The following SUCLG2 variants were observed in gnomAD, a reference collection of about 807,000 sequenced individuals.
SUCLG2 encodes the protein succinate-CoA ligase GDP-forming subunit beta.
A neutral mutation model predicts 47.9 loss-of-function variants in SUCLG2; 42 were observed. The ratio of observed to expected loss-of-function variants is 0.88; its 90% confidence interval spans 0.69 to 1.14. The LOEUF (loss-of-function observed/expected upper bound fraction) is 1.14. SUCLG2 is among the 50% of genes most tolerant of loss of function. The probability of loss-of-function intolerance (pLI) is 0.00; values close to 1 mark genes in which losing one functional copy is unlikely to be tolerated. For missense variants in SUCLG2, 571 were observed against 525.9 expected, an observed-to-expected ratio of 1.09 and a Z score of -0.84; for synonymous variants, 195 against 197.3, an observed-to-expected ratio of 0.99 and a Z score of 0.10.
At chr3:67,395,086 C>T (rs1702490916) in intron 10 of SUCLG2, among the ~76,000 whole-genome samples, 1 of 151,940 alleles carries the variant, frequency 6.6e-6, no homozygotes, top group African/African-American at 2.4e-5. Flanking sequence ...ATGTAAAGAC[C>T]ATCGAGACTA....
chr3:67,388,023 T>TAGG, intron 10 of SUCLG2, among the ~76,000 whole-genome samples: 1 of 152,012 alleles, frequency 6.6e-6, no homozygotes, highest in African/African-American at 2.4e-5. Flanking sequence ...TAACAAGTGT[T>TAGG]ATCTGCTAAT....
At chr3:67,574,329 C>T (rs575712286) in intron 2 of SUCLG2, among the ~76,000 whole-genome samples, 2 of 152,338 alleles carry the variant, frequency 1.3e-5, no homozygotes, top group East Asian at 1.9e-4. Flanking sequence ...ACGACATGGA[C>T]GTCTTTGGGG....
In SUCLG2 at chr3:67,361,894, C is replaced by T. The variant is rs140420585; in HGVS notation, c.1184-1126G>A. On this transcript the variant is annotated intron_variant, in intron 10 of 10. Transcript: ENST00000493112. ...TGCTCCTCTGGGATGGTGAGGGGAA[C>T]ATGCCCTGGCTAGGCTGCTGAAGGA... 3.2e-4 allele frequency among the ~76,000 whole-genome samples: 49 copies of T among 152,242 alleles called. No homozygotes were observed. In the East Asian group the frequency reaches 9.1e-3, roughly 28 times the overall value.
At chr3:67,392,285 C>A (rs565562018) in intron 10 of SUCLG2, among the ~76,000 whole-genome samples, 1 of 152,202 alleles carries the variant, frequency 6.6e-6, no homozygotes, top group Non-Finnish European at 1.5e-5. Flanking sequence ...AACCCCCTTG[C>A]TCCTTCCTCC....
chr3:67,531,877 T>C (rs1281319039), intron 2 of SUCLG2, among the ~76,000 whole-genome samples: 1 of 152,212 alleles, frequency 6.6e-6, no homozygotes, highest in Admixed American at 6.5e-5. Flanking sequence ...CGTCTCTTCA[T>C]TCAGTATTTA....
At chr3:67,627,232 C>G (rs1314511331) in intron 1 of SUCLG2, among the ~76,000 whole-genome samples, 1 of 152,010 alleles carries the variant, frequency 6.6e-6, no homozygotes, top group East Asian at 1.9e-4. Flanking sequence ...ATTTAGTTAT[C>G]CCCCAACCAA....
At chr3:67,579,848 G>A (rs183490831) in intron 2 of SUCLG2, among the ~76,000 whole-genome samples, 4 of 152,058 alleles carry the variant, frequency 2.6e-5, no homozygotes, top group African/African-American at 9.7e-5. Flanking sequence ...TTGTTTATAG[G>A]AAAACACATG....
chr3:67,511,854 G>GGT (rs1294841399), intron 6 of SUCLG2, among the ~76,000 whole-genome samples: 5 of 146,684 alleles, frequency 3.4e-5, no homozygotes, highest in Admixed American at 1.3e-4. Flanking sequence ...TGTGTGGGGG[G>GGT]GTGTGTGTGT....
Position 67,400,818 on chromosome 3 carries a change from T to C in SUCLG2, c.1096A>G (p.Ile366Val), listed in dbSNP as rs746608461. ...EAILVNIFGGIVNCAIIANGI... is the reference protein window; with the variant it reads ...EAILVNIFGGVVNCAIIANGI... ...TTGGCAATGATGGCACAGTTGACGA[T>C]ACCACCAAATATATTGACAAGGATG... The change falls in exon 10 of 11, where the codon ATC becomes GTC. Residue 366 changes from isoleucine to valine, a missense_variant. Physicochemically the swap from Ile to Val is conservative, Grantham distance 29. Transcript: ENST00000307227. 4.3e-6 allele frequency: 7 copies of C among 1,612,870 alleles called. No individual in the cohort carries two copies. The highest frequency in any genetic ancestry group is 5.1e-6 in the Non-Finnish European group (6 of 1,179,868).
chr3:67,620,584 C>CAAAAAAAAAAAAAAAA (rs71109890), intron 1 of SUCLG2, among the ~76,000 whole-genome samples: 2 of 63,508 alleles, frequency 3.1e-5, no homozygotes, highest in African/African-American at 6.1e-5. Context: ...GACTCCATCT[C>CAAAAAAAAAAAAAAAA]AAAAAAAAAA....
chr3:67,626,024 ATT>A lies in SUCLG2; in HGVS notation c.85-16430_85-16429del, dbSNP rs11329006. Among the ~76,000 whole-genome samples the A allele has an allele frequency of 1.6e-3, 219 of 138,580 alleles. 1 individual carries two copies. The highest frequency in any genetic ancestry group is 4.7e-3 in the African/African-American group (170 of 36,312). The allele number at this position is 138,580 out of a possible 152,430, so 90.9% of individuals were successfully genotyped here. On this transcript the variant is annotated intron_variant, in intron 1 of 10. Transcript: ENST00000307227. ...AGTAGCTACATATATATATATTTACATTTTTTTTTTTTTTGAGATGAGTCTCG... is the reference window on the plus strand; with the variant it reads ...AGTAGCTACATATATATATATTTACATTTTTTTTTTTTGAGATGAGTCTCG...
rs554796425 is a variant in SUCLG2, at chr3:67,577,209, G to A, written c.226+32246C>T. Among the ~76,000 whole-genome samples the A allele has an allele frequency of 9.2e-5, 14 of 152,282 alleles. No individual in the cohort carries two copies. The South Asian group carries it at 2.9e-3, about 32-fold the overall frequency. On this transcript the variant is annotated intron_variant, in intron 2 of 10. Transcript: ENST00000307227. ...TGCCAGTACTCCCAGTCGGGAGGCT[G>A]AGGCAGGAGAAAAGCTTGAACCCAG...
chr3:67,570,290 G>A (rs375027214), intron 2 of SUCLG2, among the ~76,000 whole-genome samples: 4 of 152,320 alleles, frequency 2.6e-5, no homozygotes, highest in African/African-American at 9.6e-5. Context: ...TAATATGCCT[G>A]CCATTTACAT....
intron 6 of SUCLG2, among the ~76,000 whole-genome samples, chr3:67,509,227 T>G (rs1297457122): frequency 1.3e-5 from 2 of 152,218 alleles, no homozygotes; most frequent in Non-Finnish European, 2.9e-5. Context: ...CAATCATTAA[T>G]ACAAACAAGC....
At chr3:67,505,675 G>A (rs2107088751) in intron 7 of SUCLG2, among the ~76,000 whole-genome samples, 1 of 152,182 alleles carries the variant, frequency 6.6e-6, no homozygotes, top group African/African-American at 2.4e-5. Context: ...AAAGAGGTGG[G>A]TACAGGCCAG....
chr3:67,504,103 A>G (rs1038286830), intron 7 of SUCLG2, among the ~76,000 whole-genome samples: 1 of 152,236 alleles, frequency 6.6e-6, no homozygotes, highest in Non-Finnish European at 1.5e-5. Context: ...ATAATGTACT[A>G]TTGAAACACG....
Position 67,531,130 on chromosome 3 carries a change from T to A in SUCLG2, c.227-1944A>T, listed in dbSNP as rs117608459. 8.3e-4 allele frequency among the ~76,000 whole-genome samples: 127 copies of A among 152,310 alleles called. 2 individuals carry two copies. In the East Asian group the frequency reaches 0.024, roughly 28 times the overall value. On this transcript the variant is annotated intron_variant, in intron 2 of 10. Coordinates refer to ENST00000307227, the MANE Select transcript of SUCLG2 (RefSeq NM_003848.4). ...GAAATACAGTAAAGTGCCTGGCACA[T>A]TTTTTTAAAGTCAAAATATGATAGC...
At chr3:67,367,908 C>T (rs1342269325) in intron 10 of SUCLG2, among the ~76,000 whole-genome samples, 1 of 152,092 alleles carries the variant, frequency 6.6e-6, no homozygotes, top group Non-Finnish European at 1.5e-5. Flanking sequence ...TATATAAACA[C>T]ATTTAAAATT....
chr3:67,509,041 A>G (rs1705716343), intron 6 of SUCLG2, 138 bp from the exon 7 acceptor site: 5 of 625,372 alleles, frequency 8.0e-6, no homozygotes, highest in South Asian at 4.9e-5. Flanking sequence ...ACAGAAAAGC[A>G]TAATTATTTT....
Sources: gnomAD v4.1 joint callset for allele counts (sites outside exome capture counted in the v4.1 genomes callset) on GRCh38, gnomAD v4.1.1 for gene constraint, MANE v1.5 for transcripts, NCBI Gene and HGNC (gene_info 2026-07-23, HGNC 2026-07-21) for gene names.